The following MED25 variants were observed in gnomAD, a reference collection of about 807,000 sequenced individuals.
MED25 encodes the protein mediator complex subunit 25, also known as mediator of RNA polymerase II transcription subunit 25.
Under a neutral mutation model 89.4 loss-of-function variants are expected in MED25, and 62 were observed. The ratio of observed to expected loss-of-function variants is 0.69; its 90% confidence interval spans 0.57 to 0.86. MED25 has a LOEUF of 0.86. Ranked by LOEUF, MED25 falls within the 40% of genes least tolerant of loss-of-function variation. The probability of loss-of-function intolerance (pLI) is 0.00; values close to 1 mark genes in which losing one functional copy is unlikely to be tolerated. For missense variants in MED25, 905 were observed against 1,005.2 expected, an observed-to-expected ratio of 0.90 and a Z score of 1.35; for synonymous variants, 449 against 427.9, an observed-to-expected ratio of 1.05 and a Z score of -0.61.
chr19:49,837,634 TG>T (rs2074108966), downstream of MED25, among the ~76,000 whole-genome samples: 1 of 151,720 alleles, frequency 6.6e-6, no homozygotes, highest in African/African-American at 2.4e-5. Flanking sequence ...TGTCGGGGGC[TG>T]GGGTAGAGGT....
In MED25 at chr19:49,830,783, C is replaced by A; in HGVS notation, c.997C>A (p.Pro333Thr). The change falls in exon 9 of 18, where the codon CCT (proline) becomes ACT (threonine). Residue 333 changes from proline to threonine, a missense_variant. By Grantham distance (38) the Pro-to-Thr change is conservative. Transcript: ENST00000312865. The surrounding 1 kb of genome is among the most constrained non-coding windows in gnomAD (Gnocchi z 4.6). ...APAPQLPPGPPGAPKPPPASQ... is the reference protein window; with the variant it reads ...APAPQLPPGPTGAPKPPPASQ... ...AGCTCCCCAACTACCCCCAGGACCC[C>A]CTGGCGCCCCCAAGCCACCACCTGC... 1.2e-6 allele frequency: 2 copies of A among 1,613,274 alleles called. No homozygotes were observed. The highest frequency in any genetic ancestry group is 1.7e-6 in the Non-Finnish European group (2 of 1,179,582).
downstream of MED25, among the ~76,000 whole-genome samples, chr19:49,837,323 A>G (rs141222769): frequency 3.4e-3 from 512 of 152,366 alleles, no homozygotes; most frequent in Non-Finnish European, 5.2e-3. Flanking sequence ...GCAGAGGACA[A>G]CAGAAACTTT....
Position 49,832,055 on chromosome 19 carries a change from C to G in MED25, c.1316+34C>G. The stretch of plus-strand genomic sequence containing the variant: ...CAGTCAGGGGCGGGGTGTGGTGGGG[C>G]TGGGGCTGGCCCCCTCCTCACACCT... On this transcript the variant is annotated intron_variant, in intron 11 of 17. Transcript: ENST00000312865. The G allele has an allele frequency of 1.9e-6, 3 of 1,613,048 alleles. No individual in the cohort carries two copies. In the South Asian group the frequency reaches 3.3e-5, roughly 18 times the overall value.
intron 4 of MED25, 137 bp downstream of exon 4, chr19:49,828,684 G>C: frequency 1.1e-6 from 1 of 922,552 alleles, no homozygotes; most frequent in Non-Finnish European, 1.7e-6. Flanking sequence ...TGAGCCAGGA[G>C]GCTGCAGGTG....
At position 49,835,964 on chromosome 19, in the gene MED25, G is replaced by T; in HGVS notation, c.1965+19G>T. On this transcript the variant is annotated intron_variant, in intron 16 of 17. Transcript: ENST00000312865. This position sits in a 1 kb window ranked among gnomAD's most constrained non-coding sequence, Gnocchi z 6.2. Reference sequence around the variant, plus strand: ...ACCACCGGTGAGATGTTGGGGTGGGGTAGCGAGAGTTCCAGATCCTGGCCC... The same window carrying T: ...ACCACCGGTGAGATGTTGGGGTGGGTTAGCGAGAGTTCCAGATCCTGGCCC... 6.2e-7 allele frequency: 1 copy of T among 1,612,416 alleles called. No individual in the cohort carries two copies. The highest frequency in any genetic ancestry group is 8.5e-7 in the Non-Finnish European group (1 of 1,179,836).
At chr19:49,823,306 G>A (rs2073995623) in intron 3 of MED25, among the ~76,000 whole-genome samples, 1 of 152,172 alleles carries the variant, frequency 6.6e-6, no homozygotes, top group African/African-American at 2.4e-5. Flanking sequence ...AGCCTATCCC[G>A]TTCAGTGTAG....
Position 49,836,478 on chromosome 19 carries a change from C to T in MED25, c.2146+72C>T. The T allele has an allele frequency of 2.0e-6, 3 of 1,506,324 alleles. No homozygotes were observed. Among genetic ancestry groups the T allele is most frequent in the Non-Finnish European group, 2.7e-6 (3 of 1,106,536 alleles). 93.3% of individuals were successfully genotyped at this position (1,506,324 alleles called of 1,614,324 possible). ...CAGCTCCTGGGCTAGAGCACCAAGA[C>T]CGAGTGCTCCTGGGAAGTAAAGACA... On this transcript the variant is annotated intron_variant, in intron 17 of 17. Transcript: ENST00000312865. The surrounding 1 kb of genome is among the most constrained non-coding windows in gnomAD (Gnocchi z 5.1).
At position 49,828,302 on chromosome 19, in the gene MED25, T is replaced by C. The variant is rs2074028650; in HGVS notation, c.306-147T>C. On this transcript the variant is annotated intron_variant, in intron 3 of 17. Coordinates refer to ENST00000312865, the MANE Select transcript of MED25 (RefSeq NM_030973.4). ...ACTGGTGCTGTGCTAGCACCAGGGA[T>C]TGGGTAGGGAACTCAGCAGGGTCCC... 7.3e-6 allele frequency: 5 copies of C among 685,038 alleles called. No homozygotes were observed. The Admixed American group carries it at 7.7e-5, about 10-fold the overall frequency. 42.4% of individuals were successfully genotyped at this position (685,038 alleles called of 1,614,324 possible).
In MED25 at chr19:49,836,906, A is replaced by G. The variant is rs766379322; in HGVS notation, c.2206A>G (p.Ser736Gly). 1.4e-5 allele frequency: 22 copies of G among 1,612,918 alleles called. No homozygotes were observed. In the East Asian group the frequency reaches 4.7e-4, roughly 34 times the overall value. Residue 736 changes from serine to glycine, a missense_variant, in exon 18 of 18, where the codon AGC becomes GGC. Physicochemically the swap from Ser to Gly is moderately conservative, Grantham distance 56. Coordinates refer to ENST00000312865, the MANE Select transcript of MED25 (RefSeq NM_030973.4). The surrounding 1 kb of genome is among the most constrained non-coding windows in gnomAD (Gnocchi z 5.1). ...GPVPQPGLQP[S>G]VMEDDILMDL... ...GGTCCCCCAGCCGGGCCTGCAGCCC[A>G]GCGTCATGGAGGACGACATCCTCAT...
chr19:49,829,434 A>ACGCC lies in MED25; in HGVS notation c.525+346_526-347dup, dbSNP rs776431784. 6.6e-6 allele frequency among the ~76,000 whole-genome samples: 1 copy of ACGCC among 152,032 alleles called. No individual in the cohort carries two copies. Among genetic ancestry groups the ACGCC allele is most frequent in the Non-Finnish European group, 1.5e-5 (1 of 67,994 alleles). ...GCTGGGATTATAGACGCCCGCCACC[A>ACGCC]CGCCCAGCTGATTTTTGTATCTTTA... On this transcript the variant is annotated intron_variant, in intron 5 of 17. Coordinates refer to ENST00000312865, the MANE Select transcript of MED25 (RefSeq NM_030973.4). The surrounding 1 kb of genome is among the most constrained non-coding windows in gnomAD (Gnocchi z 4.6).
At chr19:49,821,627 C>G (rs977629255) in intron 3 of MED25, among the ~76,000 whole-genome samples, 1 of 151,282 alleles carries the variant, frequency 6.6e-6, no homozygotes, top group Non-Finnish European at 1.5e-5. Flanking sequence ...AATCATCCTG[C>G]CTTGACCTCC....
chr19:49,826,524 G>A (rs778064533), intron 3 of MED25, among the ~76,000 whole-genome samples: 1 of 152,142 alleles, frequency 6.6e-6, no homozygotes, highest in African/African-American at 2.4e-5. Flanking sequence ...GGAGAGCCCC[G>A]CTGCATGGCC....
rs752126175 is a variant in MED25 at position 49,830,665 on chromosome 19, C to T, written c.908-29C>T. On this transcript the variant is annotated intron_variant, in intron 8 of 17. Coordinates refer to ENST00000312865, the MANE Select transcript of MED25 (RefSeq NM_030973.4). The surrounding 1 kb of genome is among the most constrained non-coding windows in gnomAD (Gnocchi z 4.6). ...CAGGCCTCTCTCCACACACTTGTTC[C>T]CCACTTCTTCCCTTGGTCTCTCCCA... The T allele has an allele frequency of 1.2e-6, 2 of 1,613,422 alleles. No individual in the cohort carries two copies. Among genetic ancestry groups the T allele is most frequent in the Non-Finnish European group, 1.7e-6 (2 of 1,179,332 alleles).
chr19:49,836,610 A>G lies in MED25; in HGVS notation c.2146+204A>G, dbSNP rs562945575. On this transcript the variant is annotated intron_variant, in intron 17 of 17. Coordinates refer to ENST00000312865, the MANE Select transcript of MED25 (RefSeq NM_030973.4). The surrounding 1 kb of genome is among the most constrained non-coding windows in gnomAD (Gnocchi z 5.1). ...ACCTAGTGGGTTAAGAGCGTTTCCC[A>G]TGATCCTCCTGTGTGTGCTCCTGGG... 1 of 757,336 alleles carries G rather than the reference A, an allele frequency of 1.3e-6. No individual in the cohort carries two copies. Among genetic ancestry groups the G allele is most frequent in the African/African-American group, 1.7e-5 (1 of 58,130 alleles). 46.9% of individuals were successfully genotyped at this position (757,336 alleles called of 1,614,324 possible).
Position 49,830,737 on chromosome 19 carries a change from T to C in MED25, c.951T>C (p.Gly317=). ...TPLQQAAPGV[G]PPFSQAPAPQ... is the part of the protein sequence containing the mutation. ...TCCAACAAGCTGCTCCCGGAGTGGG[T>C]CCCCCCTTCAGCCAGGCCCCAGCTC... is the stretch of plus-strand genomic sequence containing the variant. The change falls in exon 9 of 18, where the codon GGT becomes GGC. Residue 317 remains glycine (G), a synonymous_variant. Coordinates refer to ENST00000312865, the MANE Select transcript of MED25 (RefSeq NM_030973.4). The surrounding 1 kb of genome is among the most constrained non-coding windows in gnomAD (Gnocchi z 4.6). The C allele has an allele frequency of 6.2e-7, 1 of 1,613,306 alleles. No individual in the cohort carries two copies. Among genetic ancestry groups the C allele is most frequent in the Middle Eastern group, 1.6e-4 (1 of 6,062 alleles).
chr19:49,821,418 G>A (rs1568619179), intron 3 of MED25, among the ~76,000 whole-genome samples: 2 of 152,338 alleles, frequency 1.3e-5, no homozygotes, highest in East Asian at 1.9e-4. Flanking sequence ...TTCCCGAGTA[G>A]CTGGAGTAGC....
chr19:49,833,325 C>T (rs1453780223), intron 13 of MED25: 2 of 152,294 alleles, frequency 1.3e-5, no homozygotes, highest in African/African-American at 4.8e-5. Flanking sequence ...CCAGGTTGGT[C>T]TCGAACTTCT....
Position 49,830,463 on chromosome 19 carries a change from G to T in MED25, c.820-48G>T. ...GACCTCGTGGGATACCAGGACTGGG[G>T]GGCCATGGTCCTCACCAGTCCCTTC... is the stretch of plus-strand genomic sequence containing the variant. On this transcript the variant is annotated intron_variant, in intron 7 of 17. Coordinates refer to ENST00000312865, the MANE Select transcript of MED25 (RefSeq NM_030973.4). This position sits in a 1 kb window ranked among gnomAD's most constrained non-coding sequence, Gnocchi z 4.6. 6.3e-7 allele frequency: 1 copy of T among 1,584,454 alleles called. No individual in the cohort carries two copies. The highest frequency in any genetic ancestry group is 8.7e-7 in the Non-Finnish European group (1 of 1,153,898).
Position 49,831,472 on chromosome 19 carries a change from T to C in MED25, c.1230+11T>C, listed in dbSNP as rs554999289. The C allele has an allele frequency of 3.1e-6, 5 of 1,610,844 alleles. No individual in the cohort carries two copies. In the African/African-American group the frequency reaches 6.7e-5, roughly 21 times the overall value. On this transcript the variant is annotated intron_variant, in intron 10 of 17. Transcript: ENST00000312865. The surrounding 1 kb of genome is among the most constrained non-coding windows in gnomAD (Gnocchi z 5.0). ...CTGGAGTGGCAAGAGGTGAGGGGCC[T>C]GAGGGTCCATTGGGCACTTGGGACT...
Sources: gnomAD v4.1 joint callset for allele counts (sites outside exome capture counted in the v4.1 genomes callset) on GRCh38, gnomAD v4.1.1 for gene constraint, Gnocchi (gnomAD v3.1) non-coding constraint, MANE v1.5 for transcripts, NCBI Gene and HGNC (gene_info 2026-07-23, HGNC 2026-07-21) for gene names.